Variants in IL1RAPL1 observed in about 807,000 individuals in gnomAD.
IL1RAPL1 encodes the protein interleukin 1 receptor accessory protein like 1.
In IL1RAPL1, 3 loss-of-function variants were observed where a neutral mutation model predicts 48.4. The ratio of observed to expected loss-of-function variants is 0.06; its 90% CI spans 0.03 to 0.16. The LOEUF (loss-of-function observed/expected upper bound fraction) is 0.16, where lower values mean the gene tolerates loss of function less well. IL1RAPL1 is among the 10% of genes least tolerant of loss of function. The pLI, the probability that IL1RAPL1 is intolerant of heterozygous loss-of-function variation, is 1.00. For synonymous variants in IL1RAPL1, 185 were observed against 187.7 expected, an observed-to-expected ratio of 0.99 and a Z score of 0.12; for missense variants, 349 against 530.6, an observed-to-expected ratio of 0.66 and a Z score of 3.36.
chrX:29,366,778 A>G (rs1933466375), intron 3 of IL1RAPL1, among the ~76,000 whole-genome samples: 1 of 109,252 alleles, frequency 9.2e-6, no homozygotes, highest in African/African-American at 3.3e-5. Context: ...CATGTTAGTC[A>G]GGATGGTCTC....
At chrX:29,125,026 A>T (rs1046280319) in intron 2 of IL1RAPL1, among the ~76,000 whole-genome samples, 8 of 112,497 alleles carry the variant, frequency 7.1e-5, no homozygotes, top group Admixed American at 1.9e-4. Context: ...ATTAGAGAAG[A>T]CAGGGAAAGA....
chrX:29,347,958 G>C (rs1159776730), intron 3 of IL1RAPL1, among the ~76,000 whole-genome samples: 1 of 111,608 alleles, frequency 9.0e-6, no homozygotes, highest in East Asian at 2.8e-4. Flanking sequence ...GCAGACCAGA[G>C]CTGGACAGCA....
Position 29,719,505 on chromosome X carries a change from C to T in IL1RAPL1, c.778+51001C>T, listed in dbSNP as rs1023607383. On this transcript the variant is annotated intron_variant, in intron 6 of 10. Coordinates refer to ENST00000378993, the MANE Select transcript of IL1RAPL1 (RefSeq NM_014271.4). Reference sequence around the variant, plus strand: ...TCTGATGAAAGAGTTCTATTGGCCCCGCTAAAGAGTTGTGGGGTTTTTTAA... The same window carrying T: ...TCTGATGAAAGAGTTCTATTGGCCCTGCTAAAGAGTTGTGGGGTTTTTTAA... Among the ~76,000 whole-genome samples the T allele has an allele frequency of 3.6e-5, 4 of 110,596 alleles. 1 individual carries two copies. Among genetic ancestry groups the T allele is most frequent in the African/African-American group, 3.3e-5 (1 of 30,458 alleles).
intron 2 of IL1RAPL1, among the ~76,000 whole-genome samples, chrX:29,071,605 G>T (rs1237613576): frequency 8.9e-6 from 1 of 112,027 alleles, no homozygotes; most frequent in Non-Finnish European, 1.9e-5. Context: ...CAACAGGATT[G>T]TAATAATCTC....
intron 2 of IL1RAPL1, among the ~76,000 whole-genome samples, chrX:29,027,685 A>G (rs1329848458): frequency 9.0e-6 from 1 of 111,593 alleles, no homozygotes; most frequent in Non-Finnish European, 1.9e-5. Flanking sequence ...TTGCTTTACA[A>G]GCTTACCAGT....
At chrX:29,055,321 A>G (rs1030928104) in intron 2 of IL1RAPL1, among the ~76,000 whole-genome samples, 7 of 111,460 alleles carry the variant, frequency 6.3e-5, no homozygotes, top group Non-Finnish European at 1.1e-4. Context: ...TCCAGATAAG[A>G]GCCTATAATT....
At chrX:29,730,320 C>A (rs1460926639) in intron 6 of IL1RAPL1, among the ~76,000 whole-genome samples, 1 of 112,218 alleles carries the variant, frequency 8.9e-6, no homozygotes, top group Non-Finnish European at 1.9e-5. Context: ...CTTTCTGTTA[C>A]AACTTTACCC....
intron 1 of IL1RAPL1, among the ~76,000 whole-genome samples, chrX:28,708,380 A>G (rs753023547): frequency 3.4e-4 from 38 of 111,317 alleles, no homozygotes; most frequent in Admixed American, 7.7e-4. Flanking sequence ...GTATGAATGT[A>G]TAGTAGTACA....
chrX:29,391,002 T>C (rs1933846157), intron 3 of IL1RAPL1, among the ~76,000 whole-genome samples: 1 of 110,910 alleles, frequency 9.0e-6, no homozygotes, highest in Non-Finnish European at 1.9e-5. Context: ...GGTGAAACCC[T>C]GTCTCTACAA....
rs1323243493 is a variant in IL1RAPL1, at chrX:28,969,904, CACACATATATATGTTTCTAA to C, written c.82+180556_82+180575del. ...CTAAACACATATATATGTTTCTAAA[CACACATATATATGTTTCTAA>C]ACACATATATATGTTTCTAAACACA... On this transcript the variant is annotated intron_variant, in intron 2 of 10. Coordinates refer to ENST00000378993, the MANE Select transcript of IL1RAPL1 (RefSeq NM_014271.4). Among the ~76,000 whole-genome samples, 147 of 43,019 alleles carry C rather than the reference CACACATATATATGTTTCTAA, an allele frequency of 3.4e-3. 5 individuals carry two copies. The highest frequency in any genetic ancestry group is 4.6e-3 in the Admixed American group (17 of 3,684). 37.4% of individuals were successfully genotyped at this position (43,019 alleles called of 115,157 possible). A position where few individuals can be genotyped will look rare whatever the true frequency, so the allele number is the denominator to read the frequency against.
rs767668683 is a variant in IL1RAPL1 at position 28,989,662 on chromosome X, G to A, written c.82+200237G>A. Among the ~76,000 whole-genome samples, 4 of 111,993 alleles carry A rather than the reference G, an allele frequency of 3.6e-5. No homozygotes were observed. In the East Asian group the frequency reaches 8.4e-4, roughly 24 times the overall value. On this transcript the variant is annotated intron_variant, in intron 2 of 10. Transcript: ENST00000378993. ...AATTATATAGATTCTGAATGTCTAC[G>A]AAGCAAAATTGTAAACACAACTAAC...
At chrX:29,798,070 A>G (rs780614040) in intron 6 of IL1RAPL1, among the ~76,000 whole-genome samples, 1 of 111,699 alleles carries the variant, frequency 9.0e-6, no homozygotes, top group Non-Finnish European at 1.9e-5. Context: ...ACCTGTTTGA[A>G]CAAGCTCTTG....
At chrX:28,647,414 T>A (rs1393551058) in intron 1 of IL1RAPL1, among the ~76,000 whole-genome samples, 1 of 111,889 alleles carries the variant, frequency 8.9e-6, no homozygotes, top group Non-Finnish European at 1.9e-5. Flanking sequence ...TGATCCACAC[T>A]CTTCACACAG....
chrX:29,858,763 A>G lies in IL1RAPL1; in HGVS notation c.779-58701A>G, dbSNP rs1366703352. On this transcript the variant is annotated intron_variant, in intron 6 of 10. Transcript: ENST00000378993. ...CTCCAGACTTGCACATCCCTGAGAG[A>G]GAGTGTTTTGTTTTTTTTTAAATTT... Among the ~76,000 whole-genome samples, 8 of 106,927 alleles carry G rather than the reference A, an allele frequency of 7.5e-5. No individual in the cohort carries two copies. The Admixed American group carries it at 7.8e-4, about 10-fold the overall frequency. The allele number at this position is 106,927 out of a possible 115,157, so 92.9% of individuals were successfully genotyped here. A position where few individuals can be genotyped will look rare whatever the true frequency, so the allele number is the denominator to read the frequency against.
At chrX:28,952,221 ATTTTTAG>A (rs1285195984) in intron 2 of IL1RAPL1, among the ~76,000 whole-genome samples, 1 of 111,319 alleles carries the variant, frequency 9.0e-6, no homozygotes. Flanking sequence ...AAAAATTTAT[ATTTTTAG>A]TTTAAAGTAT....
chrX:28,892,314 T>G (rs1478907805), intron 2 of IL1RAPL1, among the ~76,000 whole-genome samples: 15 of 82,800 alleles, frequency 1.8e-4, no homozygotes, highest in African/African-American at 4.3e-4. Context: ...CGGGCAGGAG[T>G]GGGGGTCAGA....
intron 1 of IL1RAPL1, among the ~76,000 whole-genome samples, chrX:28,590,049 A>G (rs1363487651): frequency 8.9e-6 from 1 of 112,031 alleles, no homozygotes; most frequent in Non-Finnish European, 1.9e-5. Flanking sequence ...CTCACTGTGC[A>G]GAGAAGGGAA....
intron 5 of IL1RAPL1, among the ~76,000 whole-genome samples, chrX:29,635,014 A>G (rs1312981413): frequency 2.7e-5 from 3 of 111,684 alleles, no homozygotes; most frequent in Admixed American, 9.5e-5. Flanking sequence ...AGAATAAAAT[A>G]TTATGGCATA....
intron 2 of IL1RAPL1, among the ~76,000 whole-genome samples, chrX:29,006,647 A>ATGTGTGTGTGTGTGTGTG (rs547186942): frequency 7.8e-5 from 6 of 76,935 alleles, no homozygotes; most frequent in African/African-American, 2.5e-4. Context: ...GTTTATATAT[A>ATGTGTGTGTGTGTGTGTG]TGTGTGTGTG....
Sources: allele counts gnomAD v4.1 joint callset (sites outside exome capture counted in the v4.1 genomes callset), GRCh38; gene constraint gnomAD v4.1.1; transcripts MANE v1.5; gene names NCBI Gene and HGNC (gene_info 2026-07-23, HGNC 2026-07-21).